GALNTL6: variants seen among roughly 807,000 people sequenced by gnomAD.
GALNTL6 encodes the protein polypeptide N-acetylgalactosaminyltransferase-like 6.
A neutral mutation model predicts 73.7 loss-of-function variants in GALNTL6; 46 were observed. That is an observed-to-expected ratio of 0.62 (90% CI 0.49 to 0.80). The LOEUF is 0.80. Among genes scored for constraint, GALNTL6 ranks in the 30% least tolerant of loss-of-function variants. GALNTL6 has a pLI of 0.00. For missense variants in GALNTL6, 604 were observed against 755.0 expected (o/e 0.80, Z 2.34); for synonymous variants, 259 against 263.7 (o/e 0.98, Z 0.17).
At chr4:172,181,778 G>C (rs181067460) in intron 2 of GALNTL6, among the ~76,000 whole-genome samples, 1 of 147,572 alleles carries the variant, frequency 6.8e-6, no homozygotes, top group African/African-American at 2.5e-5. Context: ...GTGCAGTGGC[G>C]CGATCTCGGC....
At chr4:172,907,100 CAGA>C (rs1746938261) in intron 8 of GALNTL6, among the ~76,000 whole-genome samples, 2 of 150,794 alleles carry the variant, frequency 1.3e-5, no homozygotes, top group Admixed American at 6.6e-5. Context: ...CCAATGACCA[CAGA>C]AGAAGGAGAA....
intron 2 of GALNTL6, among the ~76,000 whole-genome samples, chr4:171,940,014 T>G (rs1233962843): frequency 6.6e-6 from 1 of 152,166 alleles, no homozygotes; most frequent in Non-Finnish European, 1.5e-5. Context: ...TTTGTTTTTT[T>G]TAACTCACTG....
chr4:172,974,509 A>G (rs1397340624), intron 10 of GALNTL6, among the ~76,000 whole-genome samples: 1 of 152,244 alleles, frequency 6.6e-6, no homozygotes, highest in East Asian at 1.9e-4. Flanking sequence ...ACGTGTATGA[A>G]ACATATGACC....
chr4:172,335,743 G>A lies in GALNTL6; in HGVS notation c.387-12780G>A, dbSNP rs1281509745. On this transcript the variant is annotated intron_variant, in intron 4 of 12. Transcript: ENST00000506823. ...CCAGTTTGTGTGTATAGATGTGGTC[G>A]TATTAGTCTCTGAGGATCTTTTGTA... is the stretch of plus-strand genomic sequence containing the variant. Among the ~76,000 whole-genome samples the A allele has an allele frequency of 5.3e-5, 8 of 152,250 alleles. No homozygotes were observed. In the East Asian group the frequency reaches 5.8e-4, roughly 11 times the overall value.
chr4:172,927,525 G>A (rs184155169), intron 8 of GALNTL6, among the ~76,000 whole-genome samples: 113 of 151,474 alleles, frequency 7.5e-4, no homozygotes, highest in Admixed American at 1.5e-3. Context: ...TTTGTGGGCC[G>A]CAAATTCAAA....
At chr4:172,623,206 A>G (rs1739032348) in intron 5 of GALNTL6, among the ~76,000 whole-genome samples, 2 of 152,164 alleles carry the variant, frequency 1.3e-5, no homozygotes, top group Non-Finnish European at 2.9e-5. Context: ...TTACTGAGCT[A>G]TGAAGATAAA....
intron 5 of GALNTL6, among the ~76,000 whole-genome samples, chr4:172,635,956 T>C (rs191577373): frequency 1.3e-5 from 2 of 152,312 alleles, no homozygotes; most frequent in East Asian, 3.9e-4. Context: ...GTAAAAGCTA[T>C]GGATTTCAGA....
At chr4:172,001,626 G>A (rs773322279) in intron 2 of GALNTL6, among the ~76,000 whole-genome samples, 67 of 152,176 alleles carry the variant, frequency 4.4e-4, no homozygotes, top group East Asian at 7.7e-4. Context: ...CAAAAGCAGA[G>A]GCATGGTATT....
chr4:171,995,950 C>A (rs542962941), intron 2 of GALNTL6, among the ~76,000 whole-genome samples: 1 of 151,972 alleles, frequency 6.6e-6, no homozygotes, highest in African/African-American at 2.4e-5. Flanking sequence ...AGAGCCAATA[C>A]TACTGATAAA....
chr4:171,948,521 ATGTG>A (rs902690201), intron 2 of GALNTL6, among the ~76,000 whole-genome samples: 11 of 152,046 alleles, frequency 7.2e-5, no homozygotes, highest in African/African-American at 2.7e-4. Context: ...GTGTGCTTGC[ATGTG>A]TGTGTGTTTT....
chr4:172,387,813 A>G (rs529279307), intron 5 of GALNTL6, among the ~76,000 whole-genome samples: 58 of 152,030 alleles, frequency 3.8e-4, no homozygotes, highest in Non-Finnish European at 7.4e-4. Context: ...TGTTCTTCCT[A>G]TTACTGAACA....
At chr4:172,228,095 G>A (rs1736928098) in intron 2 of GALNTL6, among the ~76,000 whole-genome samples, 1 of 152,160 alleles carries the variant, frequency 6.6e-6, no homozygotes, top group South Asian at 2.1e-4. Flanking sequence ...TCTTTGTATA[G>A]CTGAGTTCAA....
At chr4:172,369,663 G>A (rs547148057) in intron 5 of GALNTL6, among the ~76,000 whole-genome samples, 1 of 152,328 alleles carries the variant, frequency 6.6e-6, no homozygotes, top group East Asian at 1.9e-4. Flanking sequence ...GGCATGGGCA[G>A]GCCGGCAGTG....
intron 5 of GALNTL6, among the ~76,000 whole-genome samples, chr4:172,578,109 A>G (rs537331448): frequency 1.3e-5 from 2 of 152,316 alleles, no homozygotes; most frequent in South Asian, 4.1e-4. Context: ...GGCAGTACTC[A>G]TGTAAAAAAT....
chr4:171,988,738 G>C (rs1018083024), intron 2 of GALNTL6, among the ~76,000 whole-genome samples: 1 of 152,140 alleles, frequency 6.6e-6, no homozygotes, highest in Non-Finnish European at 1.5e-5. Context: ...GTGATAACAG[G>C]CTTTAATCTT....
At chr4:172,380,513 T>C (rs921630558) in intron 5 of GALNTL6, 2 of 430,994 alleles carry the variant, frequency 4.6e-6, no homozygotes, top group African/African-American at 4.0e-5. Context: ...GTTGGGTCTC[T>C]GGTCTCTAAC....
At chr4:172,683,615 G>A (rs537427929) in intron 5 of GALNTL6, among the ~76,000 whole-genome samples, 5 of 152,182 alleles carry the variant, frequency 3.3e-5, no homozygotes, top group South Asian at 2.1e-4. Context: ...TCAACTGGCC[G>A]TAACTACACC....
rs138075846 is a variant in GALNTL6, at chr4:172,357,634, T to TATACAC, written c.553+8946_553+8947insTACACA. 5.5e-3 allele frequency among the ~76,000 whole-genome samples: 799 copies of TATACAC among 145,820 alleles called. 5 individuals are homozygous for TATACAC. Among genetic ancestry groups the TATACAC allele is most frequent in the African/African-American group, 0.019 (737 of 38,368 alleles). ...ATATATGTATATATATATAGATATATACACACACACACACACACACACACA... is the reference window on the plus strand; with the variant it reads ...ATATATGTATATATATATAGATATATATACACACACACACACACACACACACACACA... On this transcript the variant is annotated intron_variant, in intron 5 of 12. Transcript: ENST00000506823.
rs910480451 is a variant in GALNTL6, at chr4:172,484,966, A to C, written c.553+136277A>C. Among the ~76,000 whole-genome samples, 14 of 152,298 alleles carry C rather than the reference A, an allele frequency of 9.2e-5. No homozygotes were observed. In the East Asian group the frequency reaches 2.7e-3, roughly 29 times the overall value. On this transcript the variant is annotated intron_variant, in intron 5 of 12. Transcript: ENST00000506823. ...TTTAAATTAACTCGTGTTACTTTAA[A>C]TAGGATCTGCATTTTTAATATAAAG... is the stretch of plus-strand genomic sequence containing the variant.
Sources: gnomAD v4.1 joint callset for allele counts (sites outside exome capture counted in the v4.1 genomes callset) on GRCh38, gnomAD v4.1.1 for gene constraint, MANE v1.5 for transcripts, NCBI Gene and HGNC (gene_info 2026-07-23, HGNC 2026-07-21) for gene names.